SLC15A2: variants seen among roughly 807,000 people sequenced by gnomAD.
SLC15A2 encodes kidney H(+)/peptide cotransporter.
SLC15A2 carries 77 observed loss-of-function variants against 95.5 expected under a neutral mutation model. The ratio of observed to expected loss-of-function variants is 0.81; its 90% CI spans 0.67 to 0.97. SLC15A2 has a LOEUF of 0.97. SLC15A2 is among the 50% of genes least tolerant of loss of function. SLC15A2 has a pLI of 0.00. For missense variants in SLC15A2, 893 were observed against 874.4 expected (o/e 1.02, Z -0.27); for synonymous variants, 306 against 306.9 (o/e 1.00, Z 0.03).
chr3:121,910,818 T>G (rs1288539175), intron 3 of SLC15A2, among the ~76,000 whole-genome samples: 1 of 152,232 alleles, frequency 6.6e-6, no homozygotes, highest in Non-Finnish European at 1.5e-5. Flanking sequence ...TCTCTCTATA[T>G]GTTCTTACTG....
intron 3 of SLC15A2, among the ~76,000 whole-genome samples, chr3:121,907,984 T>A (rs1382508839): frequency 6.6e-6 from 1 of 152,170 alleles, no homozygotes; most frequent in Admixed American, 6.5e-5. Context: ...ACCCCAGAGG[T>A]GGGTGGGGTC....
chr3:121,905,418 C>T (rs1053065414), intron 3 of SLC15A2, among the ~76,000 whole-genome samples: 8 of 152,146 alleles, frequency 5.3e-5, no homozygotes, highest in East Asian at 1.9e-4. Context: ...TCTTGCTTCT[C>T]TAGTTCTTTT....
At chr3:121,927,907 G>C (rs1274340521) in intron 14 of SLC15A2, 68 bp downstream of exon 14, 2 of 1,193,124 alleles carry the variant, frequency 1.7e-6, no homozygotes, top group East Asian at 2.4e-5. Context: ...CTTTTGACTT[G>C]TTCAGTCATG....
At chr3:121,895,221 C>T (rs1709395215) in intron 1 of SLC15A2, 1 of 152,130 alleles carries the variant, frequency 6.6e-6, no homozygotes, top group Non-Finnish European at 1.5e-5. Context: ...ATTCTCATTT[C>T]TTTGGAATAA....
Position 121,915,301 on chromosome 3 carries a change from C to G in SLC15A2, c.603C>G (p.Ile201Met), listed in dbSNP as rs753459722. ...CAGGGAGCTTGATTTCTACATTTATCACACCCATGCTGAGAGGTTAGGATT... is the reference window on the plus strand; with the variant it reads ...CAGGGAGCTTGATTTCTACATTTATGACACCCATGCTGAGAGGTTAGGATT... ...INAGSLISTF[I>M]TPMLRGDVQC... Residue 201 changes from isoleucine (I) to methionine (M), a missense_variant, in exon 6 of 22, where the codon ATC (isoleucine) becomes ATG (methionine). By Grantham distance (10) the Ile-to-Met change is conservative (BLOSUM62 1). Coordinates refer to ENST00000489711, the MANE Select transcript of SLC15A2 (RefSeq NM_021082.4). 1.2e-6 allele frequency: 2 copies of G among 1,607,090 alleles called. No homozygotes were observed. Among genetic ancestry groups the G allele is most frequent in the Non-Finnish European group, 1.7e-6 (2 of 1,177,240 alleles).
intron 3 of SLC15A2, among the ~76,000 whole-genome samples, chr3:121,900,619 T>C (rs2107569028): frequency 6.6e-6 from 1 of 152,314 alleles, no homozygotes; most frequent in South Asian, 2.1e-4. Context: ...AATGTAATAC[T>C]AATATTTCTG....
At chr3:121,901,244 C>T (rs1009124203) in intron 3 of SLC15A2, among the ~76,000 whole-genome samples, 2 of 152,084 alleles carry the variant, frequency 1.3e-5, no homozygotes, top group African/African-American at 4.8e-5. Context: ...GTCTCGAACT[C>T]GACCTCAAGT....
rs748805981 is a variant in SLC15A2, at chr3:121,913,055, T to C, written c.463T>C (p.Leu155=). The C allele has an allele frequency of 6.2e-6, 10 of 1,613,596 alleles. No homozygotes were observed. Among genetic ancestry groups the C allele is most frequent in the Non-Finnish European group, 8.5e-6 (10 of 1,179,654 alleles). ...ATTGATCGGCCTGAGTCTAATAGCT[T>C]TGGGGACAGGAGGCATCAAACCCTG... ...LSLIGLSLIA[L]GTGGIKPCVA... The change falls in exon 5 of 22, where the codon TTG becomes CTG. Residue 155 remains leucine, a synonymous_variant. Coordinates refer to ENST00000489711, the MANE Select transcript of SLC15A2 (RefSeq NM_021082.4).
At chr3:121,929,396 G>A in intron 17 of SLC15A2, 48 bp downstream of exon 17, 1 of 1,576,082 alleles carries the variant, frequency 6.3e-7, no homozygotes. Flanking sequence ...CTTGAATCTT[G>A]GATCTCTTCT....
intron 3 of SLC15A2, among the ~76,000 whole-genome samples, chr3:121,899,002 T>C (rs1709473302): frequency 6.6e-6 from 1 of 152,158 alleles, no homozygotes; most frequent in South Asian, 2.1e-4. Context: ...AGTCACCAAG[T>C]TTATCTAGAT....
intron 3 of SLC15A2, among the ~76,000 whole-genome samples, chr3:121,906,366 T>G (rs1709644997): frequency 6.6e-6 from 1 of 152,226 alleles, no homozygotes; most frequent in African/African-American, 2.4e-5. Context: ...ACATTTAAGG[T>G]TAATATTGTT....
chr3:121,929,478 C>A, intron 17 of SLC15A2, 130 bp downstream of exon 17: 1 of 922,596 alleles, frequency 1.1e-6, no homozygotes, highest in South Asian at 1.6e-5. Flanking sequence ...GCACTGGTGT[C>A]AAAAGGCATT....
chr3:121,934,716 C>A (rs1045680243), intron 19 of SLC15A2, among the ~76,000 whole-genome samples: 20 of 152,130 alleles, frequency 1.3e-4, no homozygotes, highest in Non-Finnish European at 2.4e-4. Flanking sequence ...CAAATAGGGA[C>A]AATTTGACTT....
intron 3 of SLC15A2, among the ~76,000 whole-genome samples, chr3:121,907,754 C>A (rs1709682826): frequency 6.6e-6 from 1 of 152,172 alleles, no homozygotes; most frequent in Admixed American, 6.5e-5. Flanking sequence ...AACTTCGTCC[C>A]AGAGGGACAC....
Position 121,942,368 on chromosome 3 carries a change from A to G in SLC15A2, c.*1361A>G, listed in dbSNP as rs1484485533. The G allele has an allele frequency of 6.6e-6, 1 of 152,218 alleles. No homozygotes were observed. Among genetic ancestry groups the G allele is most frequent in the Non-Finnish European group, 1.5e-5 (1 of 68,034 alleles). 9.4% of individuals were successfully genotyped at this position (152,218 alleles called of 1,614,324 possible). On this transcript the variant is annotated 3_prime_UTR_variant, in exon 22 of 22. Transcript: ENST00000489711. ...AAAGTTCAGAATCACTGTTCTAGAGAGCTTCATTTCCATTGGTTTTAAAAC... is the reference window on the plus strand; with the variant it reads ...AAAGTTCAGAATCACTGTTCTAGAGGGCTTCATTTCCATTGGTTTTAAAAC...
In SLC15A2 at chr3:121,922,769, C is replaced by T; in HGVS notation, c.781-6C>T. 6.2e-7 allele frequency: 1 copy of T among 1,610,866 alleles called. No individual in the cohort carries two copies. The highest frequency in any genetic ancestry group is 8.5e-7 in the Non-Finnish European group (1 of 1,177,396). ...TCTCTCCCATGATGTCTACTCTCTG[C>T]CCTAGTTTGCTATTTCCAATCGTTT... On this transcript the variant is annotated splice_polypyrimidine_tract_variant and splice_region_variant and intron_variant, in intron 8 of 21. Transcript: ENST00000489711.
intron 3 of SLC15A2, 26 bp downstream of exon 3, chr3:121,897,555 C>T: frequency 6.2e-7 from 1 of 1,612,276 alleles, no homozygotes; most frequent in Non-Finnish European, 8.5e-7. Context: ...GGTCACATCC[C>T]TACAAGTTTC....
Position 121,923,221 on chromosome 3 carries a change from G to C in SLC15A2, c.958-1G>C. On this transcript the variant is annotated splice_acceptor_variant, in intron 10 of 21. Transcript: ENST00000489711. LOFTEE classifies it high-confidence loss of function. ...CTCATAACAGGATCTGTTTGCCCTAGGGTTCACGATGGACTTTGCAAGCCA... is the reference window on the plus strand; with the variant it reads ...CTCATAACAGGATCTGTTTGCCCTACGGTTCACGATGGACTTTGCAAGCCA... The C allele has an allele frequency of 6.2e-7, 1 of 1,613,908 alleles. No individual in the cohort carries two copies. Among genetic ancestry groups the C allele is most frequent in the Non-Finnish European group, 8.5e-7 (1 of 1,179,854 alleles).
Position 121,913,016 on chromosome 3 carries a change from T to C in SLC15A2, c.429-5T>C. On this transcript the variant is annotated splice_region_variant and splice_polypyrimidine_tract_variant and intron_variant, in intron 4 of 21. Coordinates refer to ENST00000489711, the MANE Select transcript of SLC15A2 (RefSeq NM_021082.4). ...ATGGTTGGCATTCTCACCTCTCCAT[T>C]TCAGAGTCCTATCATTGATCGGCCT... 1 of 1,609,636 alleles carries C rather than the reference T, an allele frequency of 6.2e-7. No individual in the cohort carries two copies.
Sources: allele counts gnomAD v4.1 joint callset (sites outside exome capture counted in the v4.1 genomes callset), GRCh38; gene constraint gnomAD v4.1.1; transcripts MANE v1.5; gene names NCBI Gene and HGNC (gene_info 2026-07-23, HGNC 2026-07-21).